Variants in TRPM5 observed in about 807,000 individuals in gnomAD.
TRPM5 encodes MLSN1 and TRP-related.
TRPM5 carries 121 observed loss-of-function variants against 124.9 expected under a neutral mutation model. The observed-to-expected ratio is 0.97, with a 90% CI of 0.84 to 1.13. TRPM5 has a LOEUF of 1.13. Ranked by LOEUF, TRPM5 falls within the 50% of genes most tolerant of loss-of-function variation. The probability of loss-of-function intolerance (pLI) is 0.00; values close to 1 mark genes in which losing one functional copy is unlikely to be tolerated. For synonymous variants in TRPM5, 781 were observed against 700.5 expected (o/e 1.11, Z -1.81); for missense variants, 1,643 against 1,589.1 (o/e 1.03, Z -0.58).
intron 18 of TRPM5, among the ~76,000 whole-genome samples, chr11:2,410,981 T>C (rs951543486): frequency 6.6e-6 from 1 of 152,116 alleles, no homozygotes; most frequent in African/African-American, 2.4e-5. Context: ...GGGCCCACTC[T>C]GTGCCCTTAG....
At position 2,412,948 on chromosome 11, in the gene TRPM5, G is replaced by C. The variant is rs200948110; in HGVS notation, c.2161C>G (p.Leu721Val). 3 of 1,605,440 alleles carry C rather than the reference G, an allele frequency of 1.9e-6. No individual in the cohort carries two copies. The African/African-American group carries it at 4.0e-5, about 21-fold the overall frequency. Reference sequence around the variant, plus strand: ...CCCCAGAATTTCCGCCAGCGTGTGAGCAGGAAGACAGCACGTGGGCCTCGG... The same window carrying C: ...CCCCAGAATTTCCGCCAGCGTGTGACCAGGAAGACAGCACGTGGGCCTCGG... The change falls in exon 15 of 24, where the codon CTC becomes GTC. Residue 721 changes from leucine (L) to valine (V), a missense_variant. Physicochemically the swap from Leu to Val is conservative, Grantham distance 32. Coordinates refer to ENST00000155858, the Ensembl canonical transcript of TRPM5.
intron 3 of TRPM5, 58 bp from the exon 9 acceptor site, chr11:2,420,463 G>C: frequency 6.6e-7 from 1 of 1,514,198 alleles, no homozygotes. Context: ...GGCTGGTCCC[G>C]CTGCGGGATC....
intron 19 of TRPM5, 36 bp downstream of exon 24, chr11:2,407,723 C>T (rs1017102012): frequency 1.2e-6 from 2 of 1,609,008 alleles, no homozygotes; most frequent in East Asian, 2.2e-5. Flanking sequence ...TCCCTCCGCT[C>T]CAGGGCTCTC....
At chr11:2,411,500 G>A (rs762376689) in exon 18 of TRPM5, 1 of 1,609,470 alleles carries the variant, frequency 6.2e-7, no homozygotes, top group Admixed American at 1.7e-5. Flanking sequence ...CGCTCAGAAA[G>A]AAGAGGAAGA....
Position 2,415,905 on chromosome 11 carries a change from C to T in TRPM5, c.1128+1G>A, listed in dbSNP as rs778650941. On this transcript the variant is annotated splice_donor_variant, in intron 8 of 23. Coordinates refer to ENST00000155858, the Ensembl canonical transcript of TRPM5. LOFTEE classifies it high-confidence loss of function. ...GGTGGGTAGGCAGGGCTGGGAGGCA[C>T]CTTCCACTCCACGTCCCCATTGAAG... 1 of 1,569,502 alleles carries T rather than the reference C, an allele frequency of 6.4e-7. No individual in the cohort carries two copies. Among genetic ancestry groups the T allele is most frequent in the East Asian group, 2.3e-5 (1 of 42,728 alleles).
upstream of TRPM5, among the ~76,000 whole-genome samples, chr11:2,426,768 G>A (rs1215051534): frequency 6.6e-6 from 1 of 152,198 alleles, no homozygotes; most frequent in East Asian, 1.9e-4. Flanking sequence ...GGAACGGCCA[G>A]TCACAAGGGG....
At chr11:2,414,091 G>C (rs1708006501) in exon 12 of TRPM5, 2 of 1,582,686 alleles carry the variant, frequency 1.3e-6, no homozygotes, top group Non-Finnish European at 1.7e-6. Context: ...AGAAGGCCTT[G>C]GCGTCAGCCT....
the TRPM5 span, among the ~76,000 whole-genome samples, chr11:2,430,752 G>GTGGTGATGGTGATGGTGTTGATGGTGA: frequency 1.5e-5 from 2 of 131,314 alleles, no homozygotes; most frequent in East Asian, 4.8e-4. Flanking sequence ...GGTGTTGGTG[G>GTGGTGATGGTGATGGTGTTGATGGTGA]TGGTGGTTTT....
chr11:2,439,495 C>A, the TRPM5 span, among the ~76,000 whole-genome samples: 1 of 152,092 alleles, frequency 6.6e-6, no homozygotes, highest in Non-Finnish European at 1.5e-5. Flanking sequence ...AAATAAATAA[C>A]CCCGTAAAAA....
chr11:2,404,489 A>C (rs1461540932), downstream of TRPM5: 3 of 157,886 alleles, frequency 1.9e-5, no homozygotes, highest in African/African-American at 7.2e-5. Context: ...TTGGGTCTTA[A>C]GTGACAGAAA....
chr11:2,434,170 T>G, the TRPM5 span, among the ~76,000 whole-genome samples: 7 of 151,558 alleles, frequency 4.6e-5, no homozygotes, highest in Non-Finnish European at 8.8e-5. Context: ...GTGTACCATG[T>G]GTCTGTGTGG....
exon 24 of TRPM5, chr11:2,404,911 G>A (rs375748859): frequency 4.9e-4 from 778 of 1,586,426 alleles, no homozygotes; most frequent in Non-Finnish European, 6.1e-4. Flanking sequence ...AGGAGAGGTG[G>A]CCCCACACGT....
chr11:2,439,859 C>A, the TRPM5 span, among the ~76,000 whole-genome samples: 1 of 152,118 alleles, frequency 6.6e-6, no homozygotes, highest in Admixed American at 6.5e-5. Context: ...ATCATTCTAC[C>A]AAAAAGACAC....
chr11:2,408,306 C>T (rs181634587), intron 18 of TRPM5, among the ~76,000 whole-genome samples: 14 of 152,186 alleles, frequency 9.2e-5, no homozygotes, highest in Non-Finnish European at 1.5e-4. Flanking sequence ...ACCCCTCCTC[C>T]GAAAAAAGCC....
intron 18 of TRPM5, among the ~76,000 whole-genome samples, chr11:2,408,310 A>G (rs1432768044): frequency 6.6e-6 from 1 of 152,176 alleles, no homozygotes; most frequent in Non-Finnish European, 1.5e-5. Flanking sequence ...CTCCTCCGAA[A>G]AAAGCCTCTG....
intron 19 of TRPM5, 50 bp downstream of exon 24, chr11:2,407,709 C>T (rs544349386): frequency 6.3e-7 from 1 of 1,599,662 alleles, no homozygotes; most frequent in Non-Finnish European, 8.5e-7. Context: ...GAATGACCCT[C>T]TGCTCCCTCC....
At position 2,422,292 on chromosome 11, in the gene TRPM5, C is replaced by CG. The variant is rs763261094; in HGVS notation, c.146dup (p.Ser50ValfsTer5). ...CAAGCAGCAGGTCAAAGAGCACAGA[C>CG]GGGGCCACTCCGCTCGGCACCCGTA... On this transcript the variant is annotated frameshift_variant, in exon 2 of 24. Coordinates refer to ENST00000155858, the Ensembl canonical transcript of TRPM5. LOFTEE classifies it high-confidence loss of function. 4 of 1,611,666 alleles carry CG rather than the reference C, an allele frequency of 2.5e-6. No homozygotes were observed. Among genetic ancestry groups the CG allele is most frequent in the Admixed American group, 3.3e-5 (2 of 59,886 alleles).
the TRPM5 span, among the ~76,000 whole-genome samples, chr11:2,439,201 C>T: frequency 0.012 from 1,801 of 152,270 alleles, 37 homozygotes; most frequent in African/African-American, 0.042. Context: ...GATTTAAATG[C>T]GAGACCTCAA....
intron 22 of TRPM5, 146 bp downstream of exon 27, chr11:2,405,873 C>T (rs529527616): frequency 7.8e-4 from 598 of 765,770 alleles, no homozygotes; most frequent in Non-Finnish European, 1.2e-3. Context: ...TTCCCCAGAA[C>T]GCTCCTCTGC....
Sources: gnomAD v4.1 joint callset for allele counts (sites outside exome capture counted in the v4.1 genomes callset) on GRCh38, gnomAD v4.1.1 for gene constraint, MANE v1.5 for transcripts, NCBI Gene and HGNC (gene_info 2026-07-23, HGNC 2026-07-21) for gene names.